The following IGF2BP3 variants were observed in gnomAD, a reference collection of about 807,000 sequenced individuals.
The protein encoded by IGF2BP3 is insulin like growth factor 2 mRNA binding protein 3.
In IGF2BP3, 9 loss-of-function variants were observed where a neutral mutation model predicts 73.8. The observed-to-expected ratio is 0.12, with a 90% CI of 0.07 to 0.21. The LOEUF (loss-of-function observed/expected upper bound fraction) is 0.21. Ranked by LOEUF, IGF2BP3 falls within the 10% of genes least tolerant of loss-of-function variation. The pLI, the probability that IGF2BP3 is intolerant of heterozygous loss-of-function variation, is 1.00. For synonymous variants in IGF2BP3, 258 were observed against 256.7 expected, an observed-to-expected ratio of 1.01 and a Z score of -0.05; for missense variants, 542 against 714.0, an observed-to-expected ratio of 0.76 and a Z score of 2.75.
Position 23,468,339 on chromosome 7 carries a change from A to C in IGF2BP3, c.236+143T>G. The C allele has an allele frequency of 1.1e-5, 9 of 828,690 alleles. No homozygotes were observed. The South Asian group carries it at 1.2e-4, about 11-fold the overall frequency. 51.3% of individuals were successfully genotyped at this position (828,690 alleles called of 1,614,324 possible). A position where few individuals can be genotyped will look rare whatever the true frequency, so the allele number is the denominator to read the frequency against. ...CATCAACACACACACCCCCGCCATA[A>C]ACTTAAAAGCAAGGATTAAAGACCG... On this transcript the variant is annotated intron_variant, in intron 2 of 14. Coordinates refer to ENST00000258729, the MANE Select transcript of IGF2BP3 (RefSeq NM_006547.3).
intron 10 of IGF2BP3, among the ~76,000 whole-genome samples, chr7:23,327,077 A>T (rs927858103): frequency 6.8e-6 from 1 of 146,888 alleles, no homozygotes; most frequent in African/African-American, 2.7e-5. Flanking sequence ...TAAATAAATT[A>T]ATTAATTAAT....
intron 3 of IGF2BP3, among the ~76,000 whole-genome samples, chr7:23,376,181 C>T (rs1283644389): frequency 2.0e-5 from 3 of 152,184 alleles, no homozygotes; most frequent in African/African-American, 7.2e-5. Flanking sequence ...ACAGCACTAA[C>T]AAGGGATCAC....
At chr7:23,410,519 T>A (rs898490226) in intron 3 of IGF2BP3, among the ~76,000 whole-genome samples, 1 of 152,196 alleles carries the variant, frequency 6.6e-6, no homozygotes, top group African/African-American at 2.4e-5. Flanking sequence ...ACCATTCATA[T>A]ATACCGGTTG....
rs187128744 is a variant in IGF2BP3, at chr7:23,464,849, A to G, written c.236+3633T>C. 2.6e-5 allele frequency among the ~76,000 whole-genome samples: 4 copies of G among 152,166 alleles called. No individual in the cohort carries two copies. In the East Asian group the frequency reaches 7.7e-4, roughly 29 times the overall value. ...TTCAAATGTATTTTTCCTACACATA[A>G]TCCTAAACAATGCCAACCGCTAAAT... is the stretch of plus-strand genomic sequence containing the variant. On this transcript the variant is annotated intron_variant, in intron 2 of 14. Coordinates refer to ENST00000258729, the MANE Select transcript of IGF2BP3 (RefSeq NM_006547.3).
chr7:23,334,056 C>T (rs1177758381), intron 10 of IGF2BP3, among the ~76,000 whole-genome samples: 1 of 152,116 alleles, frequency 6.6e-6, no homozygotes, highest in East Asian at 1.9e-4. Context: ...AAGCCATGAG[C>T]CGGGTGCTGT....
intron 3 of IGF2BP3, among the ~76,000 whole-genome samples, chr7:23,380,768 C>T (rs1053163384): frequency 5.3e-5 from 8 of 152,164 alleles, no homozygotes; most frequent in African/African-American, 1.2e-4. Context: ...GAGAACACAA[C>T]GTGACTACAA....
chr7:23,421,002 T>C (rs1465421878), intron 2 of IGF2BP3, among the ~76,000 whole-genome samples: 1 of 152,166 alleles, frequency 6.6e-6, no homozygotes, highest in African/African-American at 2.4e-5. Context: ...GTAAGTTTTA[T>C]ATTTTCTTTT....
intron 2 of IGF2BP3, among the ~76,000 whole-genome samples, chr7:23,425,786 A>C (rs1787490656): frequency 6.6e-6 from 1 of 152,104 alleles, no homozygotes; most frequent in Admixed American, 6.5e-5. Flanking sequence ...GCTTTGATTT[A>C]CAACAGTTAT....
At chr7:23,368,624 G>A (rs1378736030) in intron 3 of IGF2BP3, among the ~76,000 whole-genome samples, 6 of 152,114 alleles carry the variant, frequency 3.9e-5, no homozygotes, top group Admixed American at 2.6e-4. Flanking sequence ...TAGGCCGGGC[G>A]CGGTGGCTCA....
At chr7:23,371,753 T>A (rs757379898) in intron 3 of IGF2BP3, among the ~76,000 whole-genome samples, 1 of 152,176 alleles carries the variant, frequency 6.6e-6, no homozygotes, top group Non-Finnish European at 1.5e-5. Flanking sequence ...CGTCCCAACT[T>A]TCTAGCCACT....
chr7:23,417,038 G>A lies in IGF2BP3; in HGVS notation c.285+1738C>T, dbSNP rs115517121. Among the ~76,000 whole-genome samples, 782 of 152,236 alleles carry A rather than the reference G, an allele frequency of 5.1e-3. 6 individuals carry two copies. The highest frequency in any genetic ancestry group is 0.018 in the African/African-American group (738 of 41,554). Reference sequence around the variant, plus strand: ...ACCATTCCACTCCAGCCTGGGCAATGAGAGCGAAACTCCATCTCAAAAAAC... The same window carrying A: ...ACCATTCCACTCCAGCCTGGGCAATAAGAGCGAAACTCCATCTCAAAAAAC... On this transcript the variant is annotated intron_variant, in intron 3 of 14. Coordinates refer to ENST00000258729, the MANE Select transcript of IGF2BP3 (RefSeq NM_006547.3).
chr7:23,448,991 C>T (rs558448095), intron 2 of IGF2BP3, among the ~76,000 whole-genome samples: 75 of 152,214 alleles, frequency 4.9e-4, no homozygotes, highest in Admixed American at 3.6e-3. Context: ...TTTCCCAAAG[C>T]GCTGGGATTA....
At chr7:23,407,609 C>CA (rs569308741) in intron 3 of IGF2BP3, among the ~76,000 whole-genome samples, 1,192 of 89,472 alleles carry the variant, frequency 0.013, 15 homozygotes, top group Middle Eastern at 0.037. Context: ...ACTCTGTCTC[C>CA]AAAAAAAAAA....
At chr7:23,320,757 G>T (rs1784115267) in intron 10 of IGF2BP3, among the ~76,000 whole-genome samples, 1 of 151,298 alleles carries the variant, frequency 6.6e-6, no homozygotes, top group South Asian at 2.1e-4. Context: ...AGACCAGCCT[G>T]GGCAACATGG....
chr7:23,321,936 C>G (rs1457152441), intron 10 of IGF2BP3, among the ~76,000 whole-genome samples: 2 of 152,138 alleles, frequency 1.3e-5, no homozygotes, highest in African/African-American at 4.8e-5. Flanking sequence ...TCACCGTCAT[C>G]AAAGACCAAA....
chr7:23,325,063 T>C (rs1464243920), intron 10 of IGF2BP3, among the ~76,000 whole-genome samples: 1 of 151,836 alleles, frequency 6.6e-6, no homozygotes, highest in Non-Finnish European at 1.5e-5. Context: ...TGTTGGAAGT[T>C]CTGGCCAGGG....
intron 3 of IGF2BP3, among the ~76,000 whole-genome samples, chr7:23,398,673 G>C (rs1206029075): frequency 6.6e-6 from 1 of 152,174 alleles, no homozygotes; most frequent in Admixed American, 6.5e-5. Flanking sequence ...GTGATGATGA[G>C]CATTTTTTCA....
intron 10 of IGF2BP3, among the ~76,000 whole-genome samples, chr7:23,339,621 A>G (rs1784658407): frequency 6.6e-6 from 1 of 152,222 alleles, no homozygotes; most frequent in South Asian, 2.1e-4. Flanking sequence ...ACATGTCACC[A>G]GTATAGAGAG....
At chr7:23,396,491 G>A (rs1786469659) in intron 3 of IGF2BP3, 2 of 183,474 alleles carry the variant, frequency 1.1e-5, no homozygotes, top group South Asian at 1.1e-4. Flanking sequence ...GGCAGATTGT[G>A]TAGCAATAAA....
Sources: allele counts gnomAD v4.1 joint callset (sites outside exome capture counted in the v4.1 genomes callset), GRCh38; gene constraint gnomAD v4.1.1; transcripts MANE v1.5; gene names NCBI Gene and HGNC (gene_info 2026-07-23, HGNC 2026-07-21).